The following MICU1 variants were observed in gnomAD, a reference collection of about 807,000 sequenced individuals.
The protein encoded by MICU1 is mitochondrial calcium uptake 1.
A neutral mutation model predicts 56.8 loss-of-function variants in MICU1; 45 were observed. The observed-to-expected ratio is 0.79, with a 90% CI of 0.62 to 1.02. The LOEUF is 1.02. Ranked by LOEUF, MICU1 falls within the 50% of genes least tolerant of loss-of-function variation. The pLI is 0.00. For missense variants in MICU1, 504 were observed against 587.1 expected (o/e 0.86, Z 1.46); for synonymous variants, 186 against 195.1 (o/e 0.95, Z 0.39).
intron 1 of MICU1, among the ~76,000 whole-genome samples, chr10:72,619,823 C>T (rs12776417): frequency 0.018 from 2,737 of 152,144 alleles, 30 homozygotes; most frequent in Non-Finnish European, 0.026. Flanking sequence ...GAGAGGCATT[C>T]CAGGTACAAC....
chr10:72,542,851 G>C (rs1839808006), intron 4 of MICU1, among the ~76,000 whole-genome samples: 1 of 152,230 alleles, frequency 6.6e-6, no homozygotes, highest in Admixed American at 6.5e-5. Flanking sequence ...TGAATGCAGA[G>C]GATTTTACTG....
chr10:72,423,462 A>G, intron 8 of MICU1, 91 bp from the exon 9 acceptor site: 1 of 1,410,668 alleles, frequency 7.1e-7, no homozygotes, highest in Non-Finnish European at 9.5e-7. Flanking sequence ...GATGGCAGAA[A>G]ATAGCTGATG....
At position 72,368,276 on chromosome 10, in the gene MICU1, G is replaced by C; in HGVS notation, c.1350C>G (p.Asp450Glu). The change falls in exon 12 of 12, where the codon GAC becomes GAG. Residue 450 changes from aspartate to glutamate, a missense_variant. Asp to Glu is a conservative substitution (Grantham distance 45). Transcript: ENST00000361114. ...RLMRGLEKPK[D>E]MGFTRLMQAM... Reference sequence around the variant, plus strand: ...CCTGCATGAGGCGAGTGAAACCCATGTCTTTGGGCTTTTCCAGGCCTCTCA... The same window carrying C: ...CCTGCATGAGGCGAGTGAAACCCATCTCTTTGGGCTTTTCCAGGCCTCTCA... 4 of 1,614,030 alleles carry C rather than the reference G, an allele frequency of 2.5e-6. No homozygotes were observed. The highest frequency in any genetic ancestry group is 3.4e-6 in the Non-Finnish European group (4 of 1,179,894).
chr10:72,391,405 C>G (rs1014012507), intron 10 of MICU1, among the ~76,000 whole-genome samples: 2 of 151,768 alleles, frequency 1.3e-5, no homozygotes, highest in Non-Finnish European at 2.9e-5. Flanking sequence ...GCACTCCAGC[C>G]CAGCCTGGTC....
intron 6 of MICU1, among the ~76,000 whole-genome samples, chr10:72,481,600 C>T (rs146768851): frequency 0.016 from 2,424 of 152,058 alleles, 55 homozygotes; most frequent in African/African-American, 0.052. Flanking sequence ...TTAGTAGAGA[C>T]GGGGTTTCAC....
intron 6 of MICU1, among the ~76,000 whole-genome samples, chr10:72,492,152 G>A (rs1866677835): frequency 6.6e-6 from 1 of 152,104 alleles, no homozygotes; most frequent in South Asian, 2.1e-4. Flanking sequence ...GGTCCTTGTA[G>A]GCCACTGTAA....
chr10:72,563,852 T>TTC (rs1840358657), intron 2 of MICU1, among the ~76,000 whole-genome samples: 1 of 152,114 alleles, frequency 6.6e-6, no homozygotes, highest in Non-Finnish European at 1.5e-5. Flanking sequence ...CCCATTCTCA[T>TTC]TCTCCCCTTG....
At chr10:72,541,719 T>C (rs1047630546) in intron 4 of MICU1, among the ~76,000 whole-genome samples, 1 of 152,184 alleles carries the variant, frequency 6.6e-6, no homozygotes, top group Non-Finnish European at 1.5e-5. Flanking sequence ...TTGGCTGGCC[T>C]TGCATTAATT....
At chr10:72,482,191 G>A (rs949333569) in intron 6 of MICU1, among the ~76,000 whole-genome samples, 1 of 152,114 alleles carries the variant, frequency 6.6e-6, no homozygotes, top group African/African-American at 2.4e-5. Context: ...GAATGGTACG[G>A]GTAGGAATGG....
chr10:72,438,206 C>G (rs1301176944), intron 8 of MICU1, among the ~76,000 whole-genome samples: 1 of 151,982 alleles, frequency 6.6e-6, no homozygotes, highest in African/African-American at 2.4e-5. Context: ...GTCTCTCAGA[C>G]CACAGTGCAA....
chr10:72,564,544 G>GAAAAAAA lies in MICU1; in HGVS notation c.162-1488_162-1482dup, dbSNP rs11465166. Reference sequence around the variant, plus strand: ...ACAGAGTGAGACTCCATCTCAAAAAGAAAAAAAAAAAAAAAAAAAGAAAAG... The same window carrying GAAAAAAA: ...ACAGAGTGAGACTCCATCTCAAAAAGAAAAAAAAAAAAAAAAAAAAAAAAAAGAAAAG... On this transcript the variant is annotated intron_variant, in intron 2 of 11. Transcript: ENST00000361114. 7.9e-4 allele frequency among the ~76,000 whole-genome samples: 84 copies of GAAAAAAA among 106,992 alleles called. 1 individual carries two copies. The highest frequency in any genetic ancestry group is 1.0e-3 in the Non-Finnish European group (58 of 55,796). The allele number at this position is 106,992 out of a possible 152,430, so 70.2% of individuals were successfully genotyped here.
chr10:72,439,094 C>CA (rs1864832387), intron 8 of MICU1, among the ~76,000 whole-genome samples: 1 of 151,932 alleles, frequency 6.6e-6, no homozygotes, highest in Non-Finnish European at 1.5e-5. Flanking sequence ...AGAGACACAA[C>CA]AAAAAAAGAG....
At chr10:72,514,938 C>A (rs1044618234) in intron 5 of MICU1, among the ~76,000 whole-genome samples, 8 of 152,190 alleles carry the variant, frequency 5.3e-5, no homozygotes, top group African/African-American at 1.9e-4. Flanking sequence ...CTGCTTGTCC[C>A]AGCTGCTACA....
At chr10:72,545,056 G>C (rs1324144999) in intron 4 of MICU1, among the ~76,000 whole-genome samples, 1 of 152,176 alleles carries the variant, frequency 6.6e-6, no homozygotes, top group Non-Finnish European at 1.5e-5. Context: ...CTACTGGCTA[G>C]AGTCCAGCCA....
chr10:72,567,711 T>A (rs531735002), intron 1 of MICU1, among the ~76,000 whole-genome samples: 2 of 151,888 alleles, frequency 1.3e-5, no homozygotes, highest in African/African-American at 4.8e-5. Context: ...CATATGAGAG[T>A]TGCTGCTAAA....
At chr10:72,537,631 A>T (rs767486732) in intron 4 of MICU1, among the ~76,000 whole-genome samples, 6 of 152,210 alleles carry the variant, frequency 3.9e-5, no homozygotes, top group Non-Finnish European at 5.9e-5. Flanking sequence ...AAGAAAGCCA[A>T]GGCTCAGAAG....
chr10:72,469,180 A>G (rs996794998), intron 8 of MICU1, among the ~76,000 whole-genome samples: 3 of 152,242 alleles, frequency 2.0e-5, no homozygotes, highest in African/African-American at 7.2e-5. Context: ...TCATGAACTT[A>G]TCCCTTTTCT....
intron 8 of MICU1, among the ~76,000 whole-genome samples, chr10:72,470,656 C>A (rs143156219): frequency 1.2e-3 from 187 of 152,264 alleles, no homozygotes; most frequent in African/African-American, 4.3e-3. Flanking sequence ...AAAGCCCCTG[C>A]CTCTTAACAG....
intron 8 of MICU1, among the ~76,000 whole-genome samples, chr10:72,457,076 A>G (rs1476235743): frequency 3.3e-5 from 5 of 151,652 alleles, no homozygotes; most frequent in Non-Finnish European, 5.9e-5. Flanking sequence ...CTTCTGCCTT[A>G]GCCTCCCAAA....
Sources: allele counts gnomAD v4.1 joint callset (sites outside exome capture counted in the v4.1 genomes callset), GRCh38; gene constraint gnomAD v4.1.1; transcripts MANE v1.5; gene names NCBI Gene and HGNC (gene_info 2026-07-23, HGNC 2026-07-21).